LIN52: variants seen among roughly 807,000 people sequenced by gnomAD.
LIN52 encodes the protein lin-52 DREAM MuvB core complex component, also known as protein lin-52 homolog.
In LIN52, 4 loss-of-function variants were observed where a neutral mutation model predicts 18.5. The observed-to-expected ratio is 0.22, with a 90% CI of 0.11 to 0.49. The LOEUF is 0.49. Ranked by LOEUF, LIN52 falls within the 20% of genes least tolerant of loss-of-function variation. The pLI, the probability that LIN52 is intolerant of heterozygous loss-of-function variation, is 0.97. For missense variants in LIN52, 102 were observed against 139.5 expected, an observed-to-expected ratio of 0.73 and a Z score of 1.35; for synonymous variants, 34 against 45.5, an observed-to-expected ratio of 0.75 and a Z score of 1.02.
chr14:74,089,045 C>T (rs1201308379), intron 1 of LIN52, among the ~76,000 whole-genome samples: 1 of 152,064 alleles, frequency 6.6e-6, no homozygotes, highest in Non-Finnish European at 1.5e-5. Flanking sequence ...CAATTCTGGC[C>T]TCTTTATGGA....
chr14:74,164,025 AG>A (rs923573312), intron 5 of LIN52, among the ~76,000 whole-genome samples: 3 of 150,720 alleles, frequency 2.0e-5, no homozygotes, highest in African/African-American at 7.3e-5. Context: ...GCTGTCGACC[AG>A]GCTGGAGTGC....
intron 5 of LIN52, among the ~76,000 whole-genome samples, chr14:74,188,602 C>T (rs1471725614): frequency 6.6e-6 from 1 of 151,902 alleles, no homozygotes; most frequent in African/African-American, 2.4e-5. Flanking sequence ...ATGATATCAC[C>T]GTAGCAGTAA....
At chr14:74,095,768 G>T (rs956829409) in intron 2 of LIN52, among the ~76,000 whole-genome samples, 180 bp from the exon 3 acceptor site, 6 of 152,026 alleles carry the variant, frequency 3.9e-5, no homozygotes, top group Non-Finnish European at 8.8e-5. Flanking sequence ...GCCATTTTTT[G>T]TCTTGCCATA....
intron 5 of LIN52, among the ~76,000 whole-genome samples, chr14:74,193,867 C>T (rs2139597479): frequency 6.6e-6 from 1 of 152,282 alleles, no homozygotes; most frequent in Non-Finnish European, 1.5e-5. Context: ...TGTTATTGCT[C>T]TTCTGAATAT....
chr14:74,121,529 C>T (rs889896072), intron 5 of LIN52, among the ~76,000 whole-genome samples: 3 of 151,952 alleles, frequency 2.0e-5, no homozygotes, highest in Non-Finnish European at 4.4e-5. Flanking sequence ...CACATAGTGC[C>T]GAAGTTAGTT....
intron 5 of LIN52, among the ~76,000 whole-genome samples, chr14:74,103,959 C>T (rs1566847888): frequency 1.3e-5 from 2 of 148,834 alleles, no homozygotes; most frequent in African/African-American, 2.5e-5. Context: ...AGTGCAGTGG[C>T]GCGATCTTGG....
chr14:74,180,351 C>T (rs1173929313), intron 5 of LIN52, among the ~76,000 whole-genome samples: 4 of 148,050 alleles, frequency 2.7e-5, no homozygotes, highest in East Asian at 2.0e-4. Context: ...CTGCAAGCTC[C>T]GCCTCCCGGG....
intron 5 of LIN52, among the ~76,000 whole-genome samples, chr14:74,149,243 T>C (rs975918038): frequency 6.6e-6 from 1 of 152,212 alleles, no homozygotes; most frequent in African/African-American, 2.4e-5. Flanking sequence ...AGTTTTGGCT[T>C]GGCAGGCTTT....
rs60487392 is a variant in LIN52, at chr14:74,144,127, ATT to A, written c.283+42903_283+42904del. On this transcript the variant is annotated intron_variant, in intron 5 of 5. Coordinates refer to ENST00000555028, the MANE Select transcript of LIN52 (RefSeq NM_001024674.3). ...ACACATGACAAGGTTTTATTCTTCAATTTTTTTTTTTTTTTAAGACAGGGTCT... is the reference window on the plus strand; with the variant it reads ...ACACATGACAAGGTTTTATTCTTCAATTTTTTTTTTTTTAAGACAGGGTCT... Among the ~76,000 whole-genome samples the A allele has an allele frequency of 2.5e-3, 363 of 146,710 alleles. 2 individuals are homozygous for A. Among genetic ancestry groups the A allele is most frequent in the Admixed American group, 4.3e-3 (63 of 14,792 alleles).
intron 5 of LIN52, among the ~76,000 whole-genome samples, chr14:74,196,336 G>T (rs923061947): frequency 9.9e-5 from 15 of 152,036 alleles, no homozygotes; most frequent in African/African-American, 3.6e-4. Flanking sequence ...TTAAAATATT[G>T]GTCATTTTCC....
chr14:74,164,432 G>A (rs928790954), intron 5 of LIN52, among the ~76,000 whole-genome samples: 53 of 150,986 alleles, frequency 3.5e-4, no homozygotes, highest in African/African-American at 1.2e-3. Flanking sequence ...GTACAGGCAG[G>A]CACCACCATG....
At chr14:74,105,775 G>T (rs1294334432) in intron 5 of LIN52, among the ~76,000 whole-genome samples, 1 of 152,064 alleles carries the variant, frequency 6.6e-6, no homozygotes, top group Non-Finnish European at 1.5e-5. Context: ...TATCTGCACT[G>T]ATAAAGATGA....
At chr14:74,142,967 C>T (rs1352406533) in intron 5 of LIN52, among the ~76,000 whole-genome samples, 2 of 150,916 alleles carry the variant, frequency 1.3e-5, no homozygotes, top group East Asian at 4.0e-4. Flanking sequence ...TGGGTTAGGA[C>T]TTTCCATAAG....
At chr14:74,133,111 A>T (rs906302497) in intron 5 of LIN52, among the ~76,000 whole-genome samples, 1 of 152,176 alleles carries the variant, frequency 6.6e-6, no homozygotes, top group African/African-American at 2.4e-5. Context: ...ATACACAAAG[A>T]TTAGTATTGA....
chr14:74,093,782 A>G (rs564733397), intron 2 of LIN52, among the ~76,000 whole-genome samples: 8 of 152,340 alleles, frequency 5.3e-5, no homozygotes, highest in East Asian at 1.9e-4. Context: ...CCTAGCTAAC[A>G]TGGCGAAACC....
intron 5 of LIN52, among the ~76,000 whole-genome samples, chr14:74,112,435 T>G (rs995560514): frequency 6.6e-6 from 1 of 151,972 alleles, no homozygotes; most frequent in Non-Finnish European, 1.5e-5. Context: ...AGAAAAAAAT[T>G]CTAAAAATGT....
chr14:74,106,595 T>G (rs557945523), intron 5 of LIN52, among the ~76,000 whole-genome samples: 1 of 152,098 alleles, frequency 6.6e-6, no homozygotes, highest in African/African-American at 2.4e-5. Flanking sequence ...TATTTATTTA[T>G]TTGTTTATTT....
chr14:74,085,029 CCTT>C (rs759861908), intron 1 of LIN52, 36 bp downstream of exon 1: 19 of 1,368,304 alleles, frequency 1.4e-5, no homozygotes, highest in Admixed American at 2.9e-5. Flanking sequence ...CCTGCAGCCT[CCTT>C]CTTTGCTCTA....
At chr14:74,161,483 G>T (rs748685424) in intron 5 of LIN52, among the ~76,000 whole-genome samples, 2 of 152,084 alleles carry the variant, frequency 1.3e-5, no homozygotes, top group African/African-American at 4.8e-5. Flanking sequence ...CACCGTGCCC[G>T]GTCTGAACAG....
Sources: allele counts gnomAD v4.1 joint callset (sites outside exome capture counted in the v4.1 genomes callset), GRCh38; gene constraint gnomAD v4.1.1; transcripts MANE v1.5; gene names NCBI Gene and HGNC (gene_info 2026-07-23, HGNC 2026-07-21).